The following ADGRL3 variants were observed in gnomAD, a reference collection of about 807,000 sequenced individuals.
ADGRL3 encodes the protein adhesion G protein-coupled receptor L3, also known as calcium-independent alpha-latrotoxin receptor 3.
In ADGRL3, 62 loss-of-function variants were observed where a neutral mutation model predicts 153.5. The ratio of observed to expected loss-of-function variants is 0.40; its 90% CI spans 0.33 to 0.50. The LOEUF (loss-of-function observed/expected upper bound fraction) is 0.50, where lower values mean the gene tolerates loss of function less well. Ranked by LOEUF, ADGRL3 falls within the 20% of genes least tolerant of loss-of-function variation. The pLI, the probability that ADGRL3 is intolerant of heterozygous loss-of-function variation, is 0.47. For missense variants in ADGRL3, 1,641 were observed against 1,859.4 expected, an observed-to-expected ratio of 0.88 and a Z score of 2.16; for synonymous variants, 710 against 672.5, an observed-to-expected ratio of 1.06 and a Z score of -0.86.
At chr4:61,731,428 G>A (rs879797618) in intron 7 of ADGRL3, among the ~76,000 whole-genome samples, 3 of 152,004 alleles carry the variant, frequency 2.0e-5, no homozygotes, top group Non-Finnish European at 4.4e-5. Flanking sequence ...CCAAATTACT[G>A]TGATTTTCTA....
intron 2 of ADGRL3, among the ~76,000 whole-genome samples, chr4:61,414,335 C>T (rs1407994963): frequency 1.3e-5 from 2 of 151,978 alleles, no homozygotes; most frequent in Non-Finnish European, 2.9e-5. Context: ...ATACATTGTC[C>T]CTTGTATGTG....
intron 6 of ADGRL3, 123 bp downstream of exon 6, chr4:61,677,058 A>G: frequency 1.4e-6 from 1 of 713,178 alleles, no homozygotes; most frequent in Non-Finnish European, 2.4e-6. Context: ...ATTGGCTAAT[A>G]TTAATTTTTG....
chr4:61,772,598 G>A (rs2097099480), intron 8 of ADGRL3, among the ~76,000 whole-genome samples: 1 of 152,180 alleles, frequency 6.6e-6, no homozygotes, highest in African/African-American at 2.4e-5. Flanking sequence ...ATGAAAAAGT[G>A]TGATAGGGCA....
At chr4:62,005,614 G>T (rs1447565431) in intron 21 of ADGRL3, among the ~76,000 whole-genome samples, 2 of 152,054 alleles carry the variant, frequency 1.3e-5, no homozygotes, top group Non-Finnish European at 2.9e-5. Context: ...CTTAGACTCA[G>T]ATTACCTTTA....
chr4:61,912,895 CAG>C (rs2098728352), intron 13 of ADGRL3, 138 bp downstream of exon 13: 1 of 777,940 alleles, frequency 1.3e-6, no homozygotes, highest in African/African-American at 1.7e-5. Context: ...AGGGTGGGAA[CAG>C]AAAGCATGAA....
intron 23 of ADGRL3, among the ~76,000 whole-genome samples, chr4:62,032,704 G>A (rs1430865236): frequency 6.6e-6 from 1 of 151,520 alleles, no homozygotes; most frequent in Non-Finnish European, 1.5e-5. Flanking sequence ...AGACTGCTGG[G>A]ACCAAAACAA....
chr4:61,439,476 A>G (rs1016680635), intron 2 of ADGRL3, among the ~76,000 whole-genome samples: 4 of 152,128 alleles, frequency 2.6e-5, no homozygotes, highest in Non-Finnish European at 5.9e-5. Flanking sequence ...TATTATACGA[A>G]ATATAATAAT....
chr4:61,846,406 A>T (rs1038254527), intron 9 of ADGRL3, among the ~76,000 whole-genome samples: 1 of 152,086 alleles, frequency 6.6e-6, no homozygotes, highest in Non-Finnish European at 1.5e-5. Context: ...AAAATAAAAA[A>T]ATTTTCAATT....
chr4:61,807,578 G>C (rs188665581), intron 8 of ADGRL3, among the ~76,000 whole-genome samples: 1 of 151,994 alleles, frequency 6.6e-6, no homozygotes. Context: ...TCAACACTGG[G>C]ACCAAGTGAT....
chr4:61,327,841 T>C (rs569869160), intron 1 of ADGRL3, among the ~76,000 whole-genome samples: 1 of 152,254 alleles, frequency 6.6e-6, no homozygotes, highest in South Asian at 2.1e-4. Flanking sequence ...AAATGGCCAT[T>C]TAATTATTAA....
At chr4:61,676,469 T>G (rs2095197082) in intron 5 of ADGRL3, among the ~76,000 whole-genome samples, 1 of 152,010 alleles carries the variant, frequency 6.6e-6, no homozygotes, top group Non-Finnish European at 1.5e-5. Context: ...AATACTTTTT[T>G]TTTTGTACTG....
intron 9 of ADGRL3, among the ~76,000 whole-genome samples, chr4:61,871,228 A>T (rs1374151378): frequency 2.2e-4 from 33 of 151,936 alleles, no homozygotes. Context: ...CAGTGAGCAG[A>T]GATCGCACCA....
intron 5 of ADGRL3, among the ~76,000 whole-genome samples, chr4:61,621,175 T>C (rs564014208): frequency 7.7e-4 from 117 of 152,292 alleles, no homozygotes; most frequent in Middle Eastern, 6.8e-3. Flanking sequence ...TATATCCTTC[T>C]TTTTACATTT....
chr4:61,882,514 T>A (rs967422947), intron 9 of ADGRL3, among the ~76,000 whole-genome samples: 8 of 152,162 alleles, frequency 5.3e-5, no homozygotes, highest in African/African-American at 1.9e-4. Flanking sequence ...TTGTATGACA[T>A]CATTTCTTTG....
At chr4:61,459,844 C>A (rs560659806) in intron 2 of ADGRL3, among the ~76,000 whole-genome samples, 83 of 152,114 alleles carry the variant, frequency 5.5e-4, no homozygotes, top group African/African-American at 1.9e-3. Context: ...CTGTGCAAAA[C>A]TTCTGGATCA....
chr4:61,871,056 A>G (rs1273145879), intron 9 of ADGRL3, among the ~76,000 whole-genome samples: 1 of 152,154 alleles, frequency 6.6e-6, no homozygotes, highest in Non-Finnish European at 1.5e-5. Flanking sequence ...AGGCGGGCGA[A>G]TCACGAGGTC....
At chr4:61,953,672 G>A (rs991312610) in intron 17 of ADGRL3, among the ~76,000 whole-genome samples, 1 of 152,140 alleles carries the variant, frequency 6.6e-6, no homozygotes, top group Non-Finnish European at 1.5e-5. Flanking sequence ...ACTGCAGCTA[G>A]AGTCATAATT....
At position 61,948,121 on chromosome 4, in the gene ADGRL3, C is replaced by G; in HGVS notation, c.2650C>G (p.Pro884Ala). ...HIKQSEENFN[P>A]NCSFWSYSKR... ...GTAGCAGTCAGAGGAAAATTTCAAC[C>G]CTAACTGTTCATTTTGGAGCTACTC... Residue 884 changes from proline to alanine, a missense_variant, in exon 17 of 27, where the codon CCT becomes GCT. Pro to Ala is a conservative substitution (Grantham distance 27). Around this residue, in one of 5 missense-constraint regions of ADGRL3, gnomAD observed 734 missense variants for 797.0 expected, o/e 0.92. Coordinates refer to ENST00000683033, the MANE Select transcript of ADGRL3 (RefSeq NM_001387552.1). 1 of 1,611,932 alleles carries G rather than the reference C, an allele frequency of 6.2e-7. No homozygotes were observed. Among genetic ancestry groups the G allele is most frequent in the East Asian group, 2.2e-5 (1 of 44,810 alleles).
intron 6 of ADGRL3, among the ~76,000 whole-genome samples, chr4:61,683,009 A>G (rs2095369333): frequency 6.6e-6 from 1 of 152,096 alleles, no homozygotes; most frequent in South Asian, 2.1e-4. Flanking sequence ...ATATACAGAG[A>G]AGGCACACTG....
Sources: gnomAD v4.1 joint callset for allele counts (sites outside exome capture counted in the v4.1 genomes callset) on GRCh38, gnomAD v4.1.1 for gene constraint, gnomAD v4.1.1 regional missense constraint, MANE v1.5 for transcripts, NCBI Gene and HGNC (gene_info 2026-07-23, HGNC 2026-07-21) for gene names.